Variants in ABCB8 observed in about 807,000 individuals in gnomAD.
ABCB8 encodes the protein mitochondrial potassium channel ATP-binding subunit.
ABCB8 carries 52 observed loss-of-function variants against 73.0 expected under a neutral mutation model. The observed-to-expected ratio is 0.71, with a 90% CI of 0.57 to 0.90. ABCB8 has a LOEUF of 0.90. ABCB8 is among the 40% of genes least tolerant of loss of function. The pLI, the probability that ABCB8 is intolerant of heterozygous loss-of-function variation, is 0.00. For missense variants in ABCB8, 909 were observed against 974.6 expected (o/e 0.93, Z 0.90); for synonymous variants, 428 against 423.5 (o/e 1.01, Z -0.13).
At chr7:151,042,444 A>C (rs1478302703) in intron 14 of ABCB8, among the ~76,000 whole-genome samples, 1 of 152,158 alleles carries the variant, frequency 6.6e-6, no homozygotes. Context: ...ACCGAGTCTA[A>C]AAGGCCGCCA....
At chr7:151,036,047 C>A in intron 7 of ABCB8, 26 bp from the exon 8 acceptor site, 2 of 1,612,982 alleles carry the variant, frequency 1.2e-6, no homozygotes, top group Non-Finnish European at 1.7e-6. Context: ...CAGCTGCCTC[C>A]TGAATGCACT....
chr7:151,042,849 C>T (rs1554445465), intron 14 of ABCB8, among the ~76,000 whole-genome samples: 1 of 152,236 alleles, frequency 6.6e-6, no homozygotes, highest in Non-Finnish European at 1.5e-5. Context: ...CCATCGTGTT[C>T]TAGATGGCTC....
chr7:151,042,212 T>G, intron 14 of ABCB8, 104 bp downstream of exon 14: 1 of 1,503,442 alleles, frequency 6.7e-7, no homozygotes, highest in Non-Finnish European at 9.0e-7. Context: ...CAGGGACAGC[T>G]GGGGAGAAAG....
chr7:151,041,468 C>T (rs1458664065), intron 13 of ABCB8, among the ~76,000 whole-genome samples: 4 of 152,230 alleles, frequency 2.6e-5, no homozygotes, highest in Non-Finnish European at 5.9e-5. Flanking sequence ...GCATTTACAG[C>T]AGTCTACACA....
At chr7:151,042,421 G>A (rs1291229808) in intron 14 of ABCB8, among the ~76,000 whole-genome samples, 1 of 152,206 alleles carries the variant, frequency 6.6e-6, no homozygotes, top group Admixed American at 6.5e-5. Flanking sequence ...GATGCATGGT[G>A]TTTGGAGTCC....
rs1051950038 is a variant in ABCB8 at position 151,047,238 on chromosome 7, C to T, written c.*1889C>T. 4.6e-5 allele frequency: 7 copies of T among 152,176 alleles called. No homozygotes were observed. Among genetic ancestry groups the T allele is most frequent in the African/African-American group, 1.7e-4 (7 of 41,440 alleles). 9.4% of individuals were successfully genotyped at this position (152,176 alleles called of 1,614,324 possible). ...CCGCCCCCTAGAGAAGCAGTGAAAC[C>T]CCTTGGCTAGTCCAGCTGGAAGAGC... is the stretch of plus-strand genomic sequence containing the variant. On this transcript the variant is annotated 3_prime_UTR_variant, in exon 16 of 16. Transcript: ENST00000358849.
At position 151,033,756 on chromosome 7, in the gene ABCB8, G is replaced by T; in HGVS notation, c.247G>T (p.Val83Leu). The change falls in exon 2 of 16, where the codon GTA becomes TTA. Residue 83 changes from valine to leucine, a missense_variant. Physicochemically the swap from Val to Leu is conservative, Grantham distance 32. Transcript: ENST00000358849. The stretch of plus-strand genomic sequence containing the variant: ...TGGGGGAGCCCTGCTAGGCCCCATG[G>T]TACTGAGTAAGCATCCCCACCTCTG... ...WVGGALLGPMVLSKHPHLCLV... is the reference protein window; with the variant it reads ...WVGGALLGPMLLSKHPHLCLV... 1.2e-6 allele frequency: 2 copies of T among 1,614,060 alleles called. No homozygotes were observed. Among genetic ancestry groups the T allele is most frequent in the Non-Finnish European group, 1.7e-6 (2 of 1,179,982 alleles).
chr7:151,035,761 A>G lies in ABCB8; in HGVS notation c.927+19A>G, dbSNP rs1796288328. On this transcript the variant is annotated intron_variant, in intron 6 of 15. Coordinates refer to ENST00000358849, the MANE Select transcript of ABCB8 (RefSeq NM_007188.5). ...GGAGCAGGTACCGGCATTCCTGGCCATCCTCTTCACCCTCCCCACACCGTT... is the reference window on the plus strand; with the variant it reads ...GGAGCAGGTACCGGCATTCCTGGCCGTCCTCTTCACCCTCCCCACACCGTT... 6.2e-6 allele frequency: 10 copies of G among 1,611,604 alleles called. No individual in the cohort carries two copies. The highest frequency in any genetic ancestry group is 8.5e-6 in the Non-Finnish European group (10 of 1,179,984).
rs1227203511 is a variant in ABCB8, at chr7:151,034,845, G to A, written c.765+16G>A. 1.2e-6 allele frequency: 2 copies of A among 1,601,164 alleles called. No homozygotes were observed. Among genetic ancestry groups the A allele is most frequent in the Non-Finnish European group, 1.7e-6 (2 of 1,169,970 alleles). ...CATCTCCCAGGTCAGTGGCCCAGTG[G>A]CCCCCACCACGTCCACACACACACT... On this transcript the variant is annotated intron_variant, in intron 5 of 15. Coordinates refer to ENST00000358849, the MANE Select transcript of ABCB8 (RefSeq NM_007188.5).
At chr7:151,034,252 C>T (rs758652635) in intron 2 of ABCB8, 21 bp from the exon 3 acceptor site, 3 of 1,598,996 alleles carry the variant, frequency 1.9e-6, no homozygotes, top group African/African-American at 2.7e-5. Context: ...AACATTTGTG[C>T]CCTCTGTCTC....
intron 5 of ABCB8, 145 bp from the exon 6 acceptor site, chr7:151,035,436 C>G (rs1471507773): frequency 1.1e-6 from 1 of 928,586 alleles, no homozygotes; most frequent in African/African-American, 1.6e-5. Flanking sequence ...GTACTGTGAC[C>G]GGTGGACTGC....
At chr7:151,033,122 T>C (rs1796208807) in intron 1 of ABCB8, 1 of 457,858 alleles carries the variant, frequency 2.2e-6, no homozygotes, top group Non-Finnish European at 4.4e-6. Context: ...GCCCATTAGC[T>C]CCAGGAGGTG....
rs1450640131 is a variant in ABCB8 at position 151,034,607 on chromosome 7, C to G, written c.659+8C>G. ...CTTCAGCTCCCTGCTCCGGTACTGC[C>G]AGCCGCAGGGTGCAGAGTTGGGGTG... On this transcript the variant is annotated splice_region_variant and intron_variant, in intron 4 of 15. Coordinates refer to ENST00000358849, the MANE Select transcript of ABCB8 (RefSeq NM_007188.5). The G allele has an allele frequency of 6.2e-7, 1 of 1,613,904 alleles. No individual in the cohort carries two copies. The highest frequency in any genetic ancestry group is 8.5e-7 in the Non-Finnish European group (1 of 1,179,990).
rs1215240779 is a variant in ABCB8, at chr7:151,046,363, G to A, written c.*1014G>A. On this transcript the variant is annotated 3_prime_UTR_variant, in exon 16 of 16. Transcript: ENST00000358849. ...AGGTTCTGGGAGGCGCACCTTGAAA[G>A]GGGAAGGCAGACATCCTGAGTGATG... is the stretch of plus-strand genomic sequence containing the variant. 3 of 152,488 alleles carry A rather than the reference G, an allele frequency of 2.0e-5. No individual in the cohort carries two copies. The highest frequency in any genetic ancestry group is 4.1e-4 in the South Asian group (2 of 4,830). The allele number at this position is 152,488 out of a possible 1,614,324, so 9.4% of individuals were successfully genotyped here. A position where few individuals can be genotyped will look rare whatever the true frequency, so the allele number is the denominator to read the frequency against.
At chr7:151,035,819 C>G in intron 6 of ABCB8, 63 bp from the exon 7 acceptor site, 1 of 1,610,174 alleles carries the variant, frequency 6.2e-7, no homozygotes. Flanking sequence ...CCTCCCTGTC[C>G]CCATCCTGGA....
intron 15 of ABCB8, among the ~76,000 whole-genome samples, chr7:151,044,926 C>T (rs1400202088): frequency 6.6e-6 from 1 of 152,162 alleles, no homozygotes; most frequent in East Asian, 1.9e-4. Context: ...CTGAGGGGCT[C>T]GTGCAGGGAG....
At chr7:151,031,790 C>T (rs1189966921) in intron 1 of ABCB8, among the ~76,000 whole-genome samples, 1 of 152,178 alleles carries the variant, frequency 6.6e-6, no homozygotes, top group Non-Finnish European at 1.5e-5. Flanking sequence ...ACCACCACAT[C>T]CAGCTAATTT....
intron 2 of ABCB8, 102 bp from the exon 3 acceptor site, chr7:151,034,171 C>T (rs1796240055): frequency 1.5e-6 from 2 of 1,353,228 alleles, no homozygotes; most frequent in Non-Finnish European, 1.0e-6. Flanking sequence ...TGGACAAGCG[C>T]AGTGCTCAGT....
At chr7:151,031,695 G>C (rs563675149) in intron 1 of ABCB8, 1 of 154,584 alleles carries the variant, frequency 6.5e-6, no homozygotes, top group South Asian at 2.0e-4. Flanking sequence ...ACGGTAGCAC[G>C]ATCTTGGCTC....
Sources: allele counts gnomAD v4.1 joint callset (sites outside exome capture counted in the v4.1 genomes callset), GRCh38; gene constraint gnomAD v4.1.1; transcripts MANE v1.5; gene names NCBI Gene and HGNC (gene_info 2026-07-23, HGNC 2026-07-21).